Variants in GPC6 observed in about 807,000 individuals in gnomAD.
GPC6 encodes the protein glypican 6, also known as glypican-6.
GPC6 carries 14 observed loss-of-function variants against 55.2 expected under a neutral mutation model. That is an observed-to-expected ratio of 0.25 (90% CI 0.17 to 0.40). The LOEUF (loss-of-function observed/expected upper bound fraction) is 0.40. GPC6 is among the 10% of genes least tolerant of loss of function. The probability of loss-of-function intolerance (pLI) is 1.00; values close to 1 mark genes in which losing one functional copy is unlikely to be tolerated. For synonymous variants in GPC6, 278 were observed against 259.6 expected, an observed-to-expected ratio of 1.07 and a Z score of -0.68; for missense variants, 641 against 708.5, an observed-to-expected ratio of 0.90 and a Z score of 1.08.
intron 4 of GPC6, among the ~76,000 whole-genome samples, chr13:94,078,625 A>G (rs539197356): frequency 6.6e-6 from 1 of 152,062 alleles, no homozygotes; most frequent in South Asian, 2.1e-4. Flanking sequence ...TTACACACCA[A>G]CAAATGGGAT....
chr13:94,306,789 GC>G (rs1161700252), intron 6 of GPC6, among the ~76,000 whole-genome samples: 1 of 152,092 alleles, frequency 6.6e-6, no homozygotes, highest in Non-Finnish European at 1.5e-5. Flanking sequence ...ATTTAAAAAA[GC>G]TCATAATTTC....
At chr13:93,357,059 G>T (rs9561328) in intron 1 of GPC6, among the ~76,000 whole-genome samples, 23,951 of 152,154 alleles carry the variant, frequency 0.16, 2,167 homozygotes, top group East Asian at 0.42. Context: ...CCTGCTATTT[G>T]CATTTGTAGT....
At chr13:93,428,268 G>A (rs557199165) in intron 1 of GPC6, among the ~76,000 whole-genome samples, 1 of 152,138 alleles carries the variant, frequency 6.6e-6, no homozygotes, top group South Asian at 2.1e-4. Flanking sequence ...TTACGAACTA[G>A]TGTAAGGTAA....
intron 4 of GPC6, among the ~76,000 whole-genome samples, chr13:94,135,419 A>T (rs1887151569): frequency 6.6e-6 from 1 of 152,162 alleles, no homozygotes; most frequent in Non-Finnish European, 1.5e-5. Flanking sequence ...TTCCCCATGT[A>T]GCTTGCTTGT....
chr13:94,276,531 T>C (rs968948118), intron 4 of GPC6, among the ~76,000 whole-genome samples: 3 of 152,130 alleles, frequency 2.0e-5, no homozygotes, highest in African/African-American at 7.2e-5. Flanking sequence ...GTGTGTTACA[T>C]AGGTATACAT....
At chr13:93,393,978 T>C (rs1419849151) in intron 1 of GPC6, among the ~76,000 whole-genome samples, 1 of 152,186 alleles carries the variant, frequency 6.6e-6, no homozygotes, top group African/African-American at 2.4e-5. Context: ...AAAAGAGTTG[T>C]CTCTCTTTAT....
At chr13:93,946,484 A>G (rs780916924) in intron 3 of GPC6, among the ~76,000 whole-genome samples, 12 of 152,240 alleles carry the variant, frequency 7.9e-5, no homozygotes, top group Non-Finnish European at 1.6e-4. Context: ...CTAATTTTAA[A>G]TAATGACTCT....
At chr13:93,922,462 G>A (rs1294237806) in intron 3 of GPC6, among the ~76,000 whole-genome samples, 6 of 152,076 alleles carry the variant, frequency 3.9e-5, no homozygotes, top group Non-Finnish European at 1.5e-5. Context: ...TATCTAAATC[G>A]GGATTTCTCA....
At chr13:93,658,567 A>G (rs2139609011) in intron 2 of GPC6, among the ~76,000 whole-genome samples, 1 of 151,842 alleles carries the variant, frequency 6.6e-6, no homozygotes, top group East Asian at 1.9e-4. Flanking sequence ...ACAAGTACTG[A>G]AAAAAATCTT....
chr13:93,277,045 G>GA (rs1877779504), intron 1 of GPC6, among the ~76,000 whole-genome samples: 1 of 152,176 alleles, frequency 6.6e-6, no homozygotes, highest in African/African-American at 2.4e-5. Context: ...TTCTTTGGGA[G>GA]AAAGGGAACC....
intron 3 of GPC6, among the ~76,000 whole-genome samples, chr13:93,970,341 G>A (rs1281788799): frequency 6.6e-6 from 1 of 152,156 alleles, no homozygotes; most frequent in Non-Finnish European, 1.5e-5. Context: ...TTGAGAAGTA[G>A]CATTTTCATC....
intron 1 of GPC6, among the ~76,000 whole-genome samples, chr13:93,286,802 C>T (rs1299255934): frequency 6.6e-6 from 1 of 151,994 alleles, no homozygotes; most frequent in Non-Finnish European, 1.5e-5. Flanking sequence ...TTTTTTGTCC[C>T]TCCTTTTCTC....
intron 2 of GPC6, among the ~76,000 whole-genome samples, chr13:93,775,698 A>G (rs973904153): frequency 8.5e-5 from 13 of 152,198 alleles, no homozygotes; most frequent in African/African-American, 2.9e-4. Context: ...TTCTGTTTAC[A>G]TTCGGGCAGT....
At position 93,605,075 on chromosome 13, in the gene GPC6, T is replaced by C. The variant is rs895972842; in HGVS notation, c.319+59654T>C. Among the ~76,000 whole-genome samples, 13 of 152,322 alleles carry C rather than the reference T, an allele frequency of 8.5e-5. 1 individual carries two copies. The highest frequency in any genetic ancestry group is 6.5e-4 in the Admixed American group (10 of 15,308). On this transcript the variant is annotated intron_variant, in intron 2 of 8. Coordinates refer to ENST00000377047, the MANE Select transcript of GPC6 (RefSeq NM_005708.5). ...GATCCCTACCTTTTTTTTGTTGCTG[T>C]TGTTTTCATGCATTTCATGTGTGTT...
intron 2 of GPC6, among the ~76,000 whole-genome samples, chr13:93,732,626 G>A (rs1566508447): frequency 6.6e-6 from 1 of 152,040 alleles, no homozygotes. Context: ...CTTATTAAAG[G>A]CATAAGTAGG....
chr13:93,885,512 CCTGGAAAAAAATTAAAAACCA>C (rs1401409779), intron 3 of GPC6, among the ~76,000 whole-genome samples: 1 of 151,144 alleles, frequency 6.6e-6, no homozygotes, highest in African/African-American at 2.4e-5. Context: ...GATTCAAGGC[CCTGGAAAAAAATTAAAAACCA>C]CTGGTAAGAT....
At chr13:93,755,449 T>C (rs1398230881) in intron 2 of GPC6, among the ~76,000 whole-genome samples, 1 of 152,176 alleles carries the variant, frequency 6.6e-6, no homozygotes, top group Non-Finnish European at 1.5e-5. Context: ...GTGGCAGGAA[T>C]TTTAGAGCTC....
chr13:93,568,213 A>G (rs7336211), intron 2 of GPC6, among the ~76,000 whole-genome samples: 102,236 of 152,064 alleles, frequency 0.67, 37,097 homozygotes, highest in Non-Finnish European at 0.81. Context: ...TAGGCTGCCT[A>G]CATTTTTTAT....
chr13:94,154,997 TCC>T (rs1887879306), intron 4 of GPC6, among the ~76,000 whole-genome samples: 1 of 152,158 alleles, frequency 6.6e-6, no homozygotes, highest in Non-Finnish European at 1.5e-5. Flanking sequence ...CCCTTTCTTG[TCC>T]CTTGAGCGCT....
Sources: allele counts gnomAD v4.1 joint callset (sites outside exome capture counted in the v4.1 genomes callset), GRCh38; gene constraint gnomAD v4.1.1; transcripts MANE v1.5; gene names NCBI Gene and HGNC (gene_info 2026-07-23, HGNC 2026-07-21).